Variants in PCSK2 observed in about 807,000 individuals in gnomAD.
PCSK2 encodes proprotein convertase subtilisin/kexin type 2.
Under a neutral mutation model 69.7 loss-of-function variants are expected in PCSK2, and 14 were observed. The ratio of observed to expected loss-of-function variants is 0.20; its 90% CI spans 0.13 to 0.31. The LOEUF is 0.31. Ranked by LOEUF, PCSK2 falls within the 10% of genes least tolerant of loss-of-function variation. The pLI is 1.00. For missense variants in PCSK2, 544 were observed against 842.5 expected (o/e 0.65, Z 4.39); for synonymous variants, 307 against 320.7 (o/e 0.96, Z 0.46).
At chr20:17,335,937 C>T (rs189400531) in intron 2 of PCSK2, among the ~76,000 whole-genome samples, 7 of 149,176 alleles carry the variant, frequency 4.7e-5, no homozygotes, top group Admixed American at 1.3e-4. Flanking sequence ...GGCATTTGGG[C>T]TGGTTCCATA....
chr20:17,263,251 A>G (rs754315849), intron 2 of PCSK2: 69 of 406,156 alleles, frequency 1.7e-4, no homozygotes, highest in Non-Finnish European at 2.2e-4. Context: ...GAAAACAGAA[A>G]AAAAAGGACT....
Position 17,291,268 on chromosome 20 carries a change from A to T in PCSK2, c.282+30924A>T, listed in dbSNP as rs1988685837. Among the ~76,000 whole-genome samples the T allele has an allele frequency of 2.6e-5, 4 of 152,252 alleles. No individual in the cohort carries two copies. In the South Asian group the frequency reaches 8.3e-4, roughly 32 times the overall value. On this transcript the variant is annotated intron_variant, in intron 2 of 11. Transcript: ENST00000262545. ...ATGTATATACAAAATATGCATATATATTCTTCTCCCATCTTTTTACACAGA... is the reference window on the plus strand; with the variant it reads ...ATGTATATACAAAATATGCATATATTTTCTTCTCCCATCTTTTTACACAGA...
chr20:17,465,220 A>C (rs780601468), intron 10 of PCSK2, 106 bp from the exon 11 acceptor site: 1 of 820,606 alleles, frequency 1.2e-6, no homozygotes. Context: ...AAAATCTTAC[A>C]AGAGGTCTGT....
At chr20:17,260,695 C>T (rs138228496) in intron 2 of PCSK2, among the ~76,000 whole-genome samples, 4 of 152,168 alleles carry the variant, frequency 2.6e-5, no homozygotes, top group East Asian at 3.9e-4. Context: ...AGTCATTTTA[C>T]GGAAGGTTTC....
intron 6 of PCSK2, among the ~76,000 whole-genome samples, chr20:17,423,716 G>GA (rs1208716801): frequency 2.6e-5 from 4 of 151,702 alleles, no homozygotes; most frequent in East Asian, 1.9e-4. Context: ...AAATTTTATG[G>GA]AAAAAAAGGC....
chr20:17,227,612 CTT>C, intron 1 of PCSK2, 130 bp downstream of exon 1: 1 of 662,012 alleles, frequency 1.5e-6, no homozygotes, highest in South Asian at 2.0e-5. Context: ...GCCATGGGCT[CTT>C]TAACACGATA....
At chr20:17,355,525 G>T (rs564362532) in intron 2 of PCSK2, among the ~76,000 whole-genome samples, 3 of 152,202 alleles carry the variant, frequency 2.0e-5, no homozygotes, top group Non-Finnish European at 4.4e-5. Flanking sequence ...AGGCACTCTT[G>T]CTTCCATAGT....
intron 2 of PCSK2, among the ~76,000 whole-genome samples, chr20:17,265,763 C>T (rs1987575412): frequency 3.3e-5 from 5 of 152,148 alleles, no homozygotes; most frequent in Admixed American, 3.3e-4. Context: ...TTTCCCTGCT[C>T]CTCTGCACAA....
chr20:17,359,399 G>T (rs1393018321), intron 3 of PCSK2, among the ~76,000 whole-genome samples: 1 of 152,094 alleles, frequency 6.6e-6, no homozygotes, highest in Non-Finnish European at 1.5e-5. Context: ...CTTATCAAAA[G>T]CAAGGCTTGT....
chr20:17,433,564 G>A (rs1224784693), intron 7 of PCSK2, among the ~76,000 whole-genome samples: 1 of 152,192 alleles, frequency 6.6e-6, no homozygotes, highest in Non-Finnish European at 1.5e-5. Context: ...AGCCCCCGGG[G>A]CACCAGGGCT....
In PCSK2 at chr20:17,287,426, C is replaced by CGTGTGTGTGTGT. The variant is rs1376381667; in HGVS notation, c.282+27086_282+27087insGTGTGTGTGTGT. Among the ~76,000 whole-genome samples, 4 of 102,188 alleles carry CGTGTGTGTGTGT rather than the reference C, an allele frequency of 3.9e-5. No individual in the cohort carries two copies. In the East Asian group the frequency reaches 1.8e-3, roughly 47 times the overall value. The allele number at this position is 102,188 out of a possible 152,430, so 67.0% of individuals were successfully genotyped here. A position where few individuals can be genotyped will look rare whatever the true frequency, so the allele number is the denominator to read the frequency against. On this transcript the variant is annotated intron_variant, in intron 2 of 11. Coordinates refer to ENST00000262545, the MANE Select transcript of PCSK2 (RefSeq NM_002594.5). ...TTCAGGGATCTTGCACCAGCATGTG[C>CGTGTGTGTGTGT]GTGTCTGTGTGTGTGTGTGTGTGTG...
chr20:17,274,072 C>A (rs1033101914), intron 2 of PCSK2, among the ~76,000 whole-genome samples: 26 of 152,110 alleles, frequency 1.7e-4, no homozygotes, highest in African/African-American at 6.3e-4. Flanking sequence ...GAAGGAGAGA[C>A]AAACTGGATT....
intron 6 of PCSK2, among the ~76,000 whole-genome samples, chr20:17,427,462 A>G (rs930402124): frequency 1.3e-5 from 2 of 152,160 alleles, no homozygotes; most frequent in South Asian, 2.1e-4. Flanking sequence ...GCTATTCACA[A>G]AAGCCCCAAT....
At chr20:17,434,934 A>T (rs1017978184) in intron 7 of PCSK2, among the ~76,000 whole-genome samples, 4 of 152,212 alleles carry the variant, frequency 2.6e-5, no homozygotes, top group African/African-American at 7.2e-5. Context: ...TTAAATAAAT[A>T]AAAACATAGG....
At chr20:17,236,378 T>C (rs752406020) in intron 1 of PCSK2, among the ~76,000 whole-genome samples, 1 of 152,134 alleles carries the variant, frequency 6.6e-6, no homozygotes, top group Non-Finnish European at 1.5e-5. Flanking sequence ...ATTTTATACA[T>C]ACATGGTAGA....
At chr20:17,230,354 A>T (rs895042933) in intron 1 of PCSK2, among the ~76,000 whole-genome samples, 1 of 152,360 alleles carries the variant, frequency 6.6e-6, no homozygotes. Flanking sequence ...CTAAGCTCAC[A>T]AATCTATGAG....
At chr20:17,360,220 C>A (rs1031712899) in intron 3 of PCSK2, among the ~76,000 whole-genome samples, 1 of 151,624 alleles carries the variant, frequency 6.6e-6, no homozygotes. Flanking sequence ...GGGTTTCCTG[C>A]AATAGCAGCT....
At chr20:17,411,734 T>A (rs377537617) in intron 6 of PCSK2, among the ~76,000 whole-genome samples, 1 of 152,220 alleles carries the variant, frequency 6.6e-6, no homozygotes, top group Non-Finnish European at 1.5e-5. Context: ...CTTACCCCCA[T>A]GTAGCCTAAC....
In PCSK2 at chr20:17,324,377, C is replaced by T. The variant is rs183445474; in HGVS notation, c.283-33950C>T. Among the ~76,000 whole-genome samples, 46 of 152,298 alleles carry T rather than the reference C, an allele frequency of 3.0e-4. 2 individuals are homozygous for T. In the East Asian group the frequency reaches 8.7e-3, roughly 29 times the overall value. On this transcript the variant is annotated intron_variant, in intron 2 of 11. Transcript: ENST00000262545. ...CATGACCTGGAAGAGCTGGCATGAT[C>T]TGGCACCTACCTACCTATTCTTATC... is the stretch of plus-strand genomic sequence containing the variant.
Sources: allele counts gnomAD v4.1 joint callset (sites outside exome capture counted in the v4.1 genomes callset), GRCh38; gene constraint gnomAD v4.1.1; transcripts MANE v1.5; gene names NCBI Gene and HGNC (gene_info 2026-07-23, HGNC 2026-07-21).